Variants in PRPF31 observed in about 807,000 individuals in gnomAD.
The protein encoded by PRPF31 is U4/U6 small nuclear ribonucleoprotein Prp31.
Under a neutral mutation model 60.4 loss-of-function variants are expected in PRPF31, and 12 were observed. That is an observed-to-expected ratio of 0.20 (90% CI 0.13 to 0.32). The LOEUF (loss-of-function observed/expected upper bound fraction) is 0.32, where lower values mean the gene tolerates loss of function less well. Ranked by LOEUF, PRPF31 falls within the 10% of genes least tolerant of loss-of-function variation. The pLI, the probability that PRPF31 is intolerant of heterozygous loss-of-function variation, is 1.00. For synonymous variants in PRPF31, 287 were observed against 287.9 expected (o/e 1.00, Z 0.03); for missense variants, 431 against 687.1 (o/e 0.63, Z 4.17).
In PRPF31 at chr19:54,122,261, C is replaced by T. The variant is rs587766313; in HGVS notation, c.323-236C>T. ...CACCTCCGCATTCCCACCAGCAAGG[C>T]GCTTCTTTTCTTTAAGAACATGTCA... On this transcript the variant is annotated intron_variant, in intron 4 of 13. Transcript: ENST00000321030. 4.0e-5 allele frequency: 25 copies of T among 629,518 alleles called. No individual in the cohort carries two copies. The East Asian group carries it at 5.1e-4, about 13-fold the overall frequency. 39.0% of individuals were successfully genotyped at this position (629,518 alleles called of 1,614,324 possible). A position where few individuals can be genotyped will look rare whatever the true frequency, so the allele number is the denominator to read the frequency against.
At chr19:54,123,066 G>GATCTC in intron 5 of PRPF31, 1 of 459,976 alleles carries the variant, frequency 2.2e-6, no homozygotes, top group Non-Finnish European at 4.0e-6. Flanking sequence ...GTGTGCGTGA[G>GATCTC]GGCGGGGAGA....
In PRPF31 at chr19:54,131,646, G is replaced by T; in HGVS notation, c.*214G>T. On this transcript the variant is annotated 3_prime_UTR_variant, in exon 14 of 14. Coordinates refer to ENST00000321030, the MANE Select transcript of PRPF31 (RefSeq NM_015629.4). The stretch of plus-strand genomic sequence containing the variant: ...ATGGGCTAGAGCAGGTCTTCATCAT[G>T]CCTTGTCTTTTTTAACTGAGAAAGG... The T allele has an allele frequency of 1.5e-6, 1 of 648,604 alleles. No homozygotes were observed. Among genetic ancestry groups the T allele is most frequent in the Non-Finnish European group, 2.7e-6 (1 of 375,966 alleles). 40.2% of individuals were successfully genotyped at this position (648,604 alleles called of 1,614,324 possible). A position where few individuals can be genotyped will look rare whatever the true frequency, so the allele number is the denominator to read the frequency against.
intron 3 of PRPF31, chr19:54,118,897 C>T: frequency 1.9e-6 from 1 of 535,928 alleles, no homozygotes; most frequent in Non-Finnish European, 3.3e-6. Context: ...CACTGATTCA[C>T]ATGACCGGTT....
rs1381730135 is a variant in PRPF31, at chr19:54,121,927, G to A, written c.306G>A (p.Glu102=). 2 of 1,612,358 alleles carry A rather than the reference G, an allele frequency of 1.2e-6. No individual in the cohort carries two copies. Among genetic ancestry groups the A allele is most frequent in the East Asian group, 2.2e-5 (1 of 44,838 alleles). Residue 102 remains glutamate (E), a synonymous_variant, in exon 4 of 14, where the codon GAG becomes GAA. Coordinates refer to ENST00000321030, the MANE Select transcript of PRPF31 (RefSeq NM_015629.4). ...TGGATGCCAACAACCTGACCGTGGA[G>A]ATCGAAAACGAGCTGAGTGAGTGCT... is the stretch of plus-strand genomic sequence containing the variant. The part of the protein sequence containing the change: ...VIVDANNLTV[E]IENELNIIHK...
chr19:54,117,407 T>C (rs2073674521), intron 1 of PRPF31, among the ~76,000 whole-genome samples: 1 of 152,170 alleles, frequency 6.6e-6, no homozygotes, highest in African/African-American at 2.4e-5. Context: ...AAGGTATGTG[T>C]GTCTTGCTCC....
intron 11 of PRPF31, 44 bp downstream of exon 11, chr19:54,128,421 C>T (rs746656999): frequency 5.4e-5 from 82 of 1,518,398 alleles, no homozygotes; most frequent in South Asian, 1.6e-4. Context: ...AGCCAGCCAG[C>T]CGCCACCGCC....
At chr19:54,117,664 T>C (rs1735238524) in intron 1 of PRPF31, among the ~76,000 whole-genome samples, 1 of 141,298 alleles carries the variant, frequency 7.1e-6, no homozygotes, top group African/African-American at 2.7e-5. Flanking sequence ...CTGGCTTACA[T>C]AGTGAAACCT....
At chr19:54,129,003 G>A in intron 11 of PRPF31, 54 bp from the exon 12 acceptor site, 1 of 1,532,738 alleles carries the variant, frequency 6.5e-7, no homozygotes, top group Middle Eastern at 2.0e-4. Context: ...TGCCTCGGTG[G>A]CTGGAGGGCA....
chr19:54,120,420 TC>T (rs1197354356), intron 3 of PRPF31: 2 of 152,076 alleles, frequency 1.3e-5, no homozygotes, highest in Non-Finnish European at 2.9e-5. Context: ...AGGCGTCTGA[TC>T]CTTCCAGAAA....
chr19:54,131,582 C>T lies in PRPF31; in HGVS notation c.*150C>T, dbSNP rs1482139166. On this transcript the variant is annotated 3_prime_UTR_variant, in exon 14 of 14. Coordinates refer to ENST00000321030, the MANE Select transcript of PRPF31 (RefSeq NM_015629.4). Reference sequence around the variant, plus strand: ...CCCAGGGAGGAGGCCTTGGAAGAGTCCGGCCTGGCCTCCCCCAGGACCGAG... The same window carrying T: ...CCCAGGGAGGAGGCCTTGGAAGAGTTCGGCCTGGCCTCCCCCAGGACCGAG... 6.5e-6 allele frequency: 8 copies of T among 1,225,624 alleles called. No individual in the cohort carries two copies. The highest frequency in any genetic ancestry group is 9.3e-6 in the Non-Finnish European group (8 of 861,842). 75.9% of individuals were successfully genotyped at this position (1,225,624 alleles called of 1,614,324 possible). A position where few individuals can be genotyped will look rare whatever the true frequency, so the allele number is the denominator to read the frequency against.
chr19:54,131,179 G>A (rs1363503008), intron 13 of PRPF31, 128 bp from the exon 14 acceptor site: 2 of 1,353,070 alleles, frequency 1.5e-6, no homozygotes, highest in South Asian at 2.4e-5. Flanking sequence ...CAACTCCAGG[G>A]ACAGGCAAAC....
At chr19:54,121,997 C>A in intron 4 of PRPF31, 54 bp downstream of exon 4, 1 of 1,530,348 alleles carries the variant, frequency 6.5e-7, no homozygotes, top group African/African-American at 1.4e-5. Flanking sequence ...CTCACGCCCC[C>A]TCTCCCTTCC....
intron 3 of PRPF31, chr19:54,119,911 C>T (rs1395932021): frequency 3.9e-5 from 6 of 152,268 alleles, no homozygotes; most frequent in South Asian, 2.1e-4. Context: ...CTTTCTTTAA[C>T]GTTTACCTGG....
Position 54,128,092 on chromosome 19 carries a change from A to T in PRPF31, c.965A>T (p.Asp322Val). ...TEGKVGYELK[D>V]EIERKFDKWQ... ...CCCCAGGTGGGCTACGAACTGAAGG[A>T]TGAGATCGAGCGCAAATTCGACAAG... is the stretch of plus-strand genomic sequence containing the variant. Residue 322 changes from aspartate (D) to valine (V), a missense_variant, in exon 10 of 14, where the codon GAT (aspartate) becomes GTT (valine). By Grantham distance (152) the Asp-to-Val change is radical (BLOSUM62 -3). Transcript: ENST00000321030. The T allele has an allele frequency of 6.5e-7, 1 of 1,549,110 alleles. No homozygotes were observed. The highest frequency in any genetic ancestry group is 8.7e-7 in the Non-Finnish European group (1 of 1,146,966).
chr19:54,126,602 G>A lies in PRPF31; in HGVS notation c.930G>A (p.Glu310=), dbSNP rs747546689. 1.9e-6 allele frequency: 3 copies of A among 1,613,794 alleles called. No individual in the cohort carries two copies. Among genetic ancestry groups the A allele is most frequent in the East Asian group, 4.5e-5 (2 of 44,888 alleles). ...TLAARVDSFH[E]STEGKVGYEL... ...CAGCCCGTGTGGACAGTTTCCACGA[G>A]AGCACAGAAGGGAAGGTGAGGAGGG... Residue 310 remains glutamate, a synonymous_variant, in exon 9 of 14, where the codon GAG becomes GAA. Coordinates refer to ENST00000321030, the MANE Select transcript of PRPF31 (RefSeq NM_015629.4).
intron 9 of PRPF31, among the ~76,000 whole-genome samples, chr19:54,127,439 T>A (rs1391519107): frequency 1.3e-5 from 2 of 152,192 alleles, no homozygotes; most frequent in Non-Finnish European, 2.9e-5. Flanking sequence ...ATACTGAGCC[T>A]ACTCAGATGG....
At position 54,131,584 on chromosome 19, in the gene PRPF31, G is replaced by A. The variant is rs62144169; in HGVS notation, c.*152G>A. 12,911 of 1,217,480 alleles carry A rather than the reference G, an allele frequency of 0.011. 89 individuals are homozygous for A. The highest frequency in any genetic ancestry group is 0.013 in the Non-Finnish European group (11,361 of 854,640). 75.4% of individuals were successfully genotyped at this position (1,217,480 alleles called of 1,614,324 possible). A position where few individuals can be genotyped will look rare whatever the true frequency, so the allele number is the denominator to read the frequency against. Reference sequence around the variant, plus strand: ...CAGGGAGGAGGCCTTGGAAGAGTCCGGCCTGGCCTCCCCCAGGACCGAGAT... The same window carrying A: ...CAGGGAGGAGGCCTTGGAAGAGTCCAGCCTGGCCTCCCCCAGGACCGAGAT... On this transcript the variant is annotated 3_prime_UTR_variant, in exon 14 of 14. Coordinates refer to ENST00000321030, the MANE Select transcript of PRPF31 (RefSeq NM_015629.4).
rs116279143 is a variant in PRPF31 at position 54,126,712 on chromosome 19, G to A, written c.945+95G>A. Reference sequence around the variant, plus strand: ...CCCTCAGCAGGGAGCCCACCCCAGCGAGCACTGTCCTACCAAGGCGGAGGC... The same window carrying A: ...CCCTCAGCAGGGAGCCCACCCCAGCAAGCACTGTCCTACCAAGGCGGAGGC... On this transcript the variant is annotated intron_variant, in intron 9 of 13. Coordinates refer to ENST00000321030, the MANE Select transcript of PRPF31 (RefSeq NM_015629.4). The A allele has an allele frequency of 2.2e-4, 272 of 1,243,144 alleles. No individual in the cohort carries two copies. The African/African-American group carries it at 3.4e-3, about 15-fold the overall frequency. The allele number at this position is 1,243,144 out of a possible 1,614,324, so 77.0% of individuals were successfully genotyped here.
chr19:54,128,501 C>CT (rs1426982161), intron 11 of PRPF31, 124 bp downstream of exon 11: 25 of 978,880 alleles, frequency 2.6e-5, no homozygotes, highest in African/African-American at 2.5e-4. Flanking sequence ...CTGCCCCAGC[C>CT]TCCCCCCCCC....
Sources: gnomAD v4.1 joint callset for allele counts (sites outside exome capture counted in the v4.1 genomes callset) on GRCh38, gnomAD v4.1.1 for gene constraint, MANE v1.5 for transcripts, NCBI Gene and HGNC (gene_info 2026-07-23, HGNC 2026-07-21) for gene names.